Variants in ALLC observed in about 807,000 individuals in gnomAD.
ALLC encodes allantoicase.
A neutral mutation model predicts 45.0 loss-of-function variants in ALLC; 40 were observed. The ratio of observed to expected loss-of-function variants is 0.89; its 90% CI spans 0.69 to 1.16. The LOEUF (loss-of-function observed/expected upper bound fraction) is 1.16, where lower values mean the gene tolerates loss of function less well. ALLC is among the 50% of genes most tolerant of loss of function. The probability of loss-of-function intolerance (pLI) is 0.00; values close to 1 mark genes in which losing one functional copy is unlikely to be tolerated. For missense variants in ALLC, 488 were observed against 493.1 expected, an observed-to-expected ratio of 0.99 and a Z score of 0.10; for synonymous variants, 176 against 178.1, an observed-to-expected ratio of 0.99 and a Z score of 0.09.
intron 1 of ALLC, among the ~76,000 whole-genome samples, chr2:3,665,756 T>C (rs1476249928): frequency 6.6e-6 from 1 of 152,254 alleles, no homozygotes; most frequent in Non-Finnish European, 1.5e-5. Context: ...CTATTGTGAA[T>C]AGTGCTGCAA....
chr2:3,682,086 T>C (rs1286266621), intron 6 of ALLC, among the ~76,000 whole-genome samples: 1 of 152,320 alleles, frequency 6.6e-6, no homozygotes, highest in African/African-American at 2.4e-5. Context: ...AAAAAATAAA[T>C]AGGGCTTGTG....
intron 5 of ALLC, among the ~76,000 whole-genome samples, chr2:3,681,036 T>G (rs983977915): frequency 6.6e-6 from 1 of 152,152 alleles, no homozygotes; most frequent in African/African-American, 2.4e-5. Flanking sequence ...TTAGGGAAGA[T>G]AAGTCAATGT....
intron 2 of ALLC, among the ~76,000 whole-genome samples, 194 bp downstream of exon 2, chr2:3,671,384 T>G (rs1005988136): frequency 6.6e-6 from 1 of 152,272 alleles, no homozygotes; most frequent in Non-Finnish European, 1.5e-5. Context: ...GCAAGGACAA[T>G]ACTGCCTTAG....
chr2:3,683,095 T>C (rs1400662636), intron 7 of ALLC, 21 bp downstream of exon 7: 1 of 1,602,674 alleles, frequency 6.2e-7, no homozygotes, highest in East Asian at 2.2e-5. Context: ...CATGGACTTA[T>C]CACCAGTTCC....
intron 2 of ALLC, among the ~76,000 whole-genome samples, 159 bp downstream of exon 2, chr2:3,671,349 T>C (rs1666863321): frequency 6.6e-6 from 1 of 152,248 alleles, no homozygotes; most frequent in Non-Finnish European, 1.5e-5. Flanking sequence ...CCAAAGAATT[T>C]ATCTTAAATT....
intron 1 of ALLC, among the ~76,000 whole-genome samples, chr2:3,662,827 T>C (rs1018752146): frequency 2.0e-5 from 3 of 152,202 alleles, no homozygotes; most frequent in African/African-American, 7.2e-5. Context: ...CACAGGTGCC[T>C]TCATTCACTT....
chr2:3,694,654 A>G (rs1463864616), intron 7 of ALLC: 1 of 152,226 alleles, frequency 6.6e-6, no homozygotes, highest in African/African-American at 2.4e-5. Flanking sequence ...CTCCTGCTGA[A>G]TGACTCCCTC....
intron 10 of ALLC, among the ~76,000 whole-genome samples, chr2:3,699,212 T>C (rs973247746): frequency 1.3e-5 from 2 of 152,184 alleles, no homozygotes; most frequent in South Asian, 4.1e-4. Context: ...CCAGTGTCCA[T>C]GTGTTCCCAT....
chr2:3,648,950 G>A, the ALLC span, among the ~76,000 whole-genome samples: 6 of 152,104 alleles, frequency 3.9e-5, no homozygotes, highest in African/African-American at 1.2e-4. Flanking sequence ...TAGGGCGGTC[G>A]GCGTGGCAGA....
At chr2:3,650,424 C>A in the ALLC span, among the ~76,000 whole-genome samples, 1 of 152,186 alleles carries the variant, frequency 6.6e-6, no homozygotes, top group Admixed American at 6.5e-5. Flanking sequence ...TGATGCTGAG[C>A]GCTGTTTGCT....
rs146521098 is a variant in ALLC, at chr2:3,671,133, C to T, written c.-25C>T. 16,360 of 1,608,760 alleles carry T rather than the reference C, an allele frequency of 0.01. 162 individuals carry two copies. Among genetic ancestry groups the T allele is most frequent in the South Asian group, 0.03 (2,723 of 89,380 alleles). On this transcript the variant is annotated 5_prime_UTR_variant, in exon 2 of 12. Coordinates refer to ENST00000252505, the MANE Select transcript of ALLC (RefSeq NM_018436.4). ...ATGCTCCGAAGGAGGGAAGACTGAC[C>T]CGGTTTCTGGACTTCACCCAGCTGA...
chr2:3,692,905 C>T (rs1385561876), intron 7 of ALLC, among the ~76,000 whole-genome samples: 1 of 152,068 alleles, frequency 6.6e-6, no homozygotes, highest in Non-Finnish European at 1.5e-5. Flanking sequence ...ATAAAGGAGC[C>T]CCCGCCTCTC....
At chr2:3,669,603 G>A (rs1450513654) in intron 1 of ALLC, among the ~76,000 whole-genome samples, 2 of 150,362 alleles carry the variant, frequency 1.3e-5, no homozygotes, top group East Asian at 2.0e-4. Flanking sequence ...AGCCGAGATT[G>A]CGCCGCTGCA....
chr2:3,702,297 G>T (rs544310492), intron 11 of ALLC, 66 bp from the exon 12 acceptor site: 2 of 1,439,286 alleles, frequency 1.4e-6, no homozygotes, highest in East Asian at 4.8e-5. Flanking sequence ...TGCCCGGGCC[G>T]TGGGCTCATT....
At chr2:3,691,665 A>G (rs527353937) in intron 7 of ALLC, among the ~76,000 whole-genome samples, 1 of 152,302 alleles carries the variant, frequency 6.6e-6, no homozygotes, top group East Asian at 1.9e-4. Context: ...GTCTTTATCA[A>G]GTTTTGAAAA....
At chr2:3,647,500 C>G in the ALLC span, among the ~76,000 whole-genome samples, 3 of 151,964 alleles carry the variant, frequency 2.0e-5, no homozygotes, top group East Asian at 5.8e-4. Context: ...CTCACCCATC[C>G]TCTCCCGATG....
At chr2:3,651,991 A>T in the ALLC span, among the ~76,000 whole-genome samples, 2 of 152,320 alleles carry the variant, frequency 1.3e-5, no homozygotes, top group East Asian at 3.9e-4. Context: ...GGCTCAGCTC[A>T]GCAGTTCGGA....
chr2:3,669,892 G>A (rs1368908426), intron 1 of ALLC, among the ~76,000 whole-genome samples: 1 of 152,202 alleles, frequency 6.6e-6, no homozygotes, highest in African/African-American at 2.4e-5. Flanking sequence ...TCCAAGGGGA[G>A]ATGTTTTGAG....
At chr2:3,677,526 C>T (rs1408568909) in intron 3 of ALLC, among the ~76,000 whole-genome samples, 2 of 152,226 alleles carry the variant, frequency 1.3e-5, no homozygotes, top group Non-Finnish European at 2.9e-5. Context: ...AGGTTGACAA[C>T]AGCCAGAGGC....
Sources: gnomAD v4.1 joint callset for allele counts (sites outside exome capture counted in the v4.1 genomes callset) on GRCh38, gnomAD v4.1.1 for gene constraint, MANE v1.5 for transcripts, NCBI Gene and HGNC (gene_info 2026-07-23, HGNC 2026-07-21) for gene names.